GALNT7: variants seen among roughly 807,000 people sequenced by gnomAD.
GALNT7 encodes N-acetylgalactosaminyltransferase 7.
In GALNT7, 60 loss-of-function variants were observed where a neutral mutation model predicts 82.1. That is an observed-to-expected ratio of 0.73 (90% CI 0.59 to 0.91). GALNT7 has a LOEUF of 0.91. GALNT7 is among the 40% of genes least tolerant of loss of function. The pLI is 0.00. For synonymous variants in GALNT7, 243 were observed against 275.1 expected (o/e 0.88, Z 1.15); for missense variants, 660 against 804.2 (o/e 0.82, Z 2.17).
At position 173,288,282 on chromosome 4, in the gene GALNT7, C is replaced by CAAAAAAAAAAAAA. The variant is rs70944442; in HGVS notation, c.588-3815_588-3803dup. Among the ~76,000 whole-genome samples, 105 of 62,948 alleles carry CAAAAAAAAAAAAA rather than the reference C, an allele frequency of 1.7e-3. 1 individual carries two copies. Among genetic ancestry groups the CAAAAAAAAAAAAA allele is most frequent in the Middle Eastern group, 8.8e-3 (1 of 114 alleles). 41.3% of individuals were successfully genotyped at this position (62,948 alleles called of 152,430 possible). ...TGGGCGACAGAGCGAGACTCCATCT[C>CAAAAAAAAAAAAA]AAAAAAAAAAAAAAAAAAAAAAAGA... On this transcript the variant is annotated intron_variant, in intron 2 of 11. Coordinates refer to ENST00000265000, the MANE Select transcript of GALNT7 (RefSeq NM_017423.3).
intron 1 of GALNT7, among the ~76,000 whole-genome samples, chr4:173,186,367 T>C (rs1226544427): frequency 6.6e-6 from 1 of 152,248 alleles, no homozygotes; most frequent in Non-Finnish European, 1.5e-5. Context: ...TCACTGTTAA[T>C]AGCGTTAGTG....
At chr4:173,206,607 T>C (rs1413516533) in intron 1 of GALNT7, among the ~76,000 whole-genome samples, 1 of 152,254 alleles carries the variant, frequency 6.6e-6, no homozygotes, top group Non-Finnish European at 1.5e-5. Flanking sequence ...TTGCTTCCAC[T>C]GTGCAGATGT....
chr4:173,247,300 T>C (rs542254911), intron 1 of GALNT7, among the ~76,000 whole-genome samples: 1 of 151,312 alleles, frequency 6.6e-6, no homozygotes, highest in African/African-American at 2.4e-5. Flanking sequence ...AATATCCTTG[T>C]ACAAAGAATC....
At chr4:173,313,404 A>C (rs1737462326) in intron 8 of GALNT7, among the ~76,000 whole-genome samples, 1 of 132,844 alleles carries the variant, frequency 7.5e-6, no homozygotes, top group Admixed American at 7.7e-5. Context: ...CTCCATCTAC[A>C]CAAAAAAATA....
At chr4:173,313,432 A>G (rs1486139638) in intron 8 of GALNT7, among the ~76,000 whole-genome samples, 2 of 151,962 alleles carry the variant, frequency 1.3e-5, no homozygotes, top group Non-Finnish European at 2.9e-5. Context: ...TTAGCCAGGT[A>G]TAGTGGCATG....
chr4:173,178,001 G>A (rs557590944), intron 1 of GALNT7, among the ~76,000 whole-genome samples: 1 of 142,644 alleles, frequency 7.0e-6, no homozygotes, highest in Admixed American at 7.1e-5. Context: ...CTCCCTATCC[G>A]CAAGTCTGTG....
At chr4:173,190,598 G>A (rs1732600059) in intron 1 of GALNT7, among the ~76,000 whole-genome samples, 1 of 151,398 alleles carries the variant, frequency 6.6e-6, no homozygotes, top group Non-Finnish European at 1.5e-5. Flanking sequence ...TATATTACTT[G>A]GTTAACTGTT....
chr4:173,267,333 C>T (rs549687274), intron 2 of GALNT7, among the ~76,000 whole-genome samples: 1 of 152,226 alleles, frequency 6.6e-6, no homozygotes, highest in East Asian at 1.9e-4. Flanking sequence ...AGCCTGGCCC[C>T]TGAAACGCGT....
At chr4:173,171,904 G>A (rs955431672) in intron 1 of GALNT7, among the ~76,000 whole-genome samples, 15 of 152,046 alleles carry the variant, frequency 9.9e-5, no homozygotes, top group African/African-American at 3.4e-4. Flanking sequence ...AAACCATAGG[G>A]GGCAAGAAAA....
chr4:173,250,209 T>A (rs1218995417), intron 2 of GALNT7, among the ~76,000 whole-genome samples: 1 of 152,094 alleles, frequency 6.6e-6, no homozygotes, highest in Non-Finnish European at 1.5e-5. Context: ...ACACCTGAGG[T>A]ATATATCTCT....
At chr4:173,183,041 TAAACACAC>T (rs1561144189) in intron 1 of GALNT7, among the ~76,000 whole-genome samples, 2 of 40,756 alleles carry the variant, frequency 4.9e-5, no homozygotes. Context: ...TCCACACACA[TAAACACAC>T]ACACACACAC....
chr4:173,304,049 T>C lies in GALNT7; in HGVS notation c.1320T>C (p.His440=). The C allele has an allele frequency of 6.2e-7, 1 of 1,612,320 alleles. No individual in the cohort carries two copies. Among genetic ancestry groups the C allele is most frequent in the African/African-American group, 1.3e-5 (1 of 74,996 alleles). Residue 440 remains histidine (H), a synonymous_variant, in exon 8 of 12, where the codon CAT becomes CAC. Transcript: ENST00000265000. ...LLFVPCSRVG[H]IYRLEGWQGN... ...TTGTTCCTTGTTCTCGTGTTGGACA[T>C]ATCTACCGTCTTGAGGGCTGGCAAG...
At position 173,298,199 on chromosome 4, in the gene GALNT7, G is replaced by A; in HGVS notation, c.1050G>A (p.Gly350=). 2 of 1,613,822 alleles carry A rather than the reference G, an allele frequency of 1.2e-6. No homozygotes were observed. Among genetic ancestry groups the A allele is most frequent in the Non-Finnish European group, 1.7e-6 (2 of 1,179,778 alleles). Residue 350 remains glycine (G), a synonymous_variant, in exon 6 of 12, where the codon GGG becomes GGA. Coordinates refer to ENST00000265000, the MANE Select transcript of GALNT7 (RefSeq NM_017423.3). ...CCCAAGGGGGTGGTGATGAAGATGG[G>A]TATGCCCGAGGAGCATGGGATTGGA... The part of the protein sequence containing the change: ...IIPQGGGDED[G]YARGAWDWSM...
rs114182810 is a variant in GALNT7, at chr4:173,189,492, T to C, written c.126+20531T>C. Among the ~76,000 whole-genome samples, 979 of 152,354 alleles carry C rather than the reference T, an allele frequency of 6.4e-3. 16 individuals carry two copies. The highest frequency in any genetic ancestry group is 0.022 in the African/African-American group (927 of 41,584). On this transcript the variant is annotated intron_variant, in intron 1 of 11. Coordinates refer to ENST00000265000, the MANE Select transcript of GALNT7 (RefSeq NM_017423.3). ...GTTATCGGAAACTCATTTCATATCA[T>C]GGAAATATCAAAATAGTTCCTCCAA...
At chr4:173,266,578 C>A (rs1735501152) in intron 2 of GALNT7, among the ~76,000 whole-genome samples, 1 of 152,124 alleles carries the variant, frequency 6.6e-6, no homozygotes, top group Non-Finnish European at 1.5e-5. Flanking sequence ...AGTATGTTAT[C>A]AATCCCAAGG....
chr4:173,313,570 C>CA (rs957463269), intron 8 of GALNT7, among the ~76,000 whole-genome samples: 4,199 of 62,212 alleles, frequency 0.067, 159 homozygotes, highest in African/African-American at 0.17. Flanking sequence ...GACCCCATCA[C>CA]AAAAAAAAAA....
At chr4:173,283,269 C>G (rs1736181836) in intron 2 of GALNT7, among the ~76,000 whole-genome samples, 1 of 152,108 alleles carries the variant, frequency 6.6e-6, no homozygotes, top group Non-Finnish European at 1.5e-5. Context: ...TACATAAGTG[C>G]AGCAAGAATC....
intron 1 of GALNT7, among the ~76,000 whole-genome samples, chr4:173,178,041 G>T (rs1732112828): frequency 8.2e-6 from 1 of 122,676 alleles, no homozygotes; most frequent in Admixed American, 7.6e-5. Context: ...GTGTGTGTGT[G>T]TGTGTGTGTG....
At chr4:173,223,041 T>C (rs2126692651) in intron 1 of GALNT7, among the ~76,000 whole-genome samples, 1 of 152,304 alleles carries the variant, frequency 6.6e-6, no homozygotes, top group Non-Finnish European at 1.5e-5. Flanking sequence ...CATCCTAGCC[T>C]CAGCACTTCT....
Sources: gnomAD v4.1 joint callset for allele counts (sites outside exome capture counted in the v4.1 genomes callset) on GRCh38, gnomAD v4.1.1 for gene constraint, MANE v1.5 for transcripts, NCBI Gene and HGNC (gene_info 2026-07-23, HGNC 2026-07-21) for gene names.